Variants in ANKRD24 observed in about 807,000 individuals in gnomAD.
ANKRD24 encodes the protein ankyrin repeat domain 24.
In ANKRD24, 109 loss-of-function variants were observed where a neutral mutation model predicts 127.8. That is an observed-to-expected ratio of 0.85 (90% CI 0.73 to 1.00). ANKRD24 has a LOEUF of 1.00. ANKRD24 is among the 50% of genes least tolerant of loss of function. ANKRD24 has a pLI of 0.00. For synonymous variants in ANKRD24, 743 were observed against 671.1 expected (o/e 1.11, Z -1.66); for missense variants, 1,648 against 1,570.2 (o/e 1.05, Z -0.84).
chr19:4,212,935 G>A (rs1169028887), intron 15 of ANKRD24, among the ~76,000 whole-genome samples: 3 of 152,256 alleles, frequency 2.0e-5, no homozygotes, highest in East Asian at 1.9e-4. Flanking sequence ...GATCGAGACT[G>A]TCCTGGCCAA....
chr19:4,198,790 G>T lies in ANKRD24; in HGVS notation c.37-893G>T, dbSNP rs547908274. Among the ~76,000 whole-genome samples, 1 of 152,312 alleles carries T rather than the reference G, an allele frequency of 6.6e-6. No homozygotes were observed. The highest frequency in any genetic ancestry group is 1.9e-4 in the East Asian group (1 of 5,178). ...TTTAGGAACATTTAGAGGGCATTGG[G>T]GGGTGCAGTTTTGGGAAAACATTTT... On this transcript the variant is annotated intron_variant, in intron 2 of 21. Transcript: ENST00000318934. The surrounding 1 kb of genome is among the most constrained non-coding windows in gnomAD (Gnocchi z 6.1).
In ANKRD24 at chr19:4,224,759, C is replaced by G. The variant is rs1056737359; in HGVS notation, c.*254C>G. ...CCCCACCACCGGAGACTGTGATTCCCTGTGTCCTCCACATCCAGACGCCAG... is the reference window on the plus strand; with the variant it reads ...CCCCACCACCGGAGACTGTGATTCCGTGTGTCCTCCACATCCAGACGCCAG... On this transcript the variant is annotated 3_prime_UTR_variant, in exon 22 of 22. Coordinates refer to ENST00000318934, the MANE Select transcript of ANKRD24 (RefSeq NM_001393985.1). The G allele has an allele frequency of 1.7e-5, 9 of 543,252 alleles. No homozygotes were observed. The highest frequency in any genetic ancestry group is 2.3e-5 in the Non-Finnish European group (7 of 301,836). 33.7% of individuals were successfully genotyped at this position (543,252 alleles called of 1,614,324 possible).
At chr19:4,204,412 G>T (rs1331591693) in intron 7 of ANKRD24, among the ~76,000 whole-genome samples, 3 of 152,082 alleles carry the variant, frequency 2.0e-5, no homozygotes, top group South Asian at 4.1e-4. Flanking sequence ...CAGGTAAATC[G>T]TAGGGAATCC....
In ANKRD24 at chr19:4,199,372, C is replaced by A. The variant is rs1009768835; in HGVS notation, c.37-311C>A. ...GCTACAGGCATGAGCCACCATGCCC[C>A]GCTGATGATTTTTATTTTTTGTAGA... On this transcript the variant is annotated intron_variant, in intron 2 of 21. Coordinates refer to ENST00000318934, the MANE Select transcript of ANKRD24 (RefSeq NM_001393985.1). This position sits in a 1 kb window ranked among gnomAD's most constrained non-coding sequence, Gnocchi z 5.2. 1 of 399,168 alleles carries A rather than the reference C, an allele frequency of 2.5e-6. No homozygotes were observed. The highest frequency in any genetic ancestry group is 3.4e-6 in the Non-Finnish European group (1 of 294,536). 24.7% of individuals were successfully genotyped at this position (399,168 alleles called of 1,614,324 possible). A position where few individuals can be genotyped will look rare whatever the true frequency, so the allele number is the denominator to read the frequency against.
chr19:4,205,909 G>A (rs954617988), intron 7 of ANKRD24, among the ~76,000 whole-genome samples: 14 of 152,112 alleles, frequency 9.2e-5, no homozygotes, highest in African/African-American at 2.4e-4. Context: ...TTGGGAGGCC[G>A]AGGCGGGTGG....
intron 7 of ANKRD24, among the ~76,000 whole-genome samples, chr19:4,206,388 G>A (rs1009977181): frequency 3.0e-4 from 46 of 151,286 alleles, no homozygotes; most frequent in Admixed American, 4.6e-4. Context: ...CAGTCCCGGC[G>A]GCAGATTGCT....
In ANKRD24 at chr19:4,193,791, C is replaced by T. The variant is rs536818720; in HGVS notation, c.37-5892C>T. Reference sequence around the variant, plus strand: ...GGTGGAGTTTGCAGTGAGCAGAGATCATGCCACTGTACTCCAGCCTGGGCG... The same window carrying T: ...GGTGGAGTTTGCAGTGAGCAGAGATTATGCCACTGTACTCCAGCCTGGGCG... On this transcript the variant is annotated intron_variant, in intron 2 of 21. Transcript: ENST00000318934. 4.0e-3 allele frequency among the ~76,000 whole-genome samples: 513 copies of T among 129,226 alleles called. 4 individuals are homozygous for T. The highest frequency in any genetic ancestry group is 6.6e-3 in the Non-Finnish European group (411 of 62,748). 84.8% of individuals were successfully genotyped at this position (129,226 alleles called of 152,430 possible).
intron 2 of ANKRD24, among the ~76,000 whole-genome samples, chr19:4,193,704 G>T (rs1398589415): frequency 6.6e-6 from 1 of 151,916 alleles, no homozygotes; most frequent in Non-Finnish European, 1.5e-5. Context: ...AGGCATGGTG[G>T]CGGGTGCGTG....
chr19:4,214,172 C>CT (rs11367695), intron 15 of ANKRD24, among the ~76,000 whole-genome samples: 112 of 147,038 alleles, frequency 7.6e-4, no homozygotes, highest in South Asian at 2.4e-3. Context: ...ACAAATATTT[C>CT]TTTTTTTTTT....
chr19:4,221,003 CT>C (rs1568347059), intron 19 of ANKRD24, among the ~76,000 whole-genome samples: 1 of 151,070 alleles, frequency 6.6e-6, no homozygotes, highest in African/African-American at 2.4e-5. Context: ...TTCAAGCGAT[CT>C]TCCTGCCTCA....
chr19:4,221,932 A>G (rs1568347619), intron 19 of ANKRD24, among the ~76,000 whole-genome samples: 1 of 152,158 alleles, frequency 6.6e-6, no homozygotes, highest in Non-Finnish European at 1.5e-5. Flanking sequence ...ACAACCACAG[A>G]TGTCCCCACA....
At chr19:4,221,255 T>C (rs1430130320) in intron 19 of ANKRD24, among the ~76,000 whole-genome samples, 1 of 152,008 alleles carries the variant, frequency 6.6e-6, no homozygotes, top group Non-Finnish European at 1.5e-5. Flanking sequence ...TTTTGTATTT[T>C]TAGTAGAGAC....
intron 13 of ANKRD24, among the ~76,000 whole-genome samples, chr19:4,210,638 A>G (rs752471389): frequency 1.3e-5 from 2 of 150,784 alleles, no homozygotes; most frequent in Non-Finnish European, 1.5e-5. Context: ...CTCTGCCTGG[A>G]ATGCTCTAGC....
At chr19:4,212,328 A>T in intron 13 of ANKRD24, 147 bp from the exon 14 acceptor site, 1 of 897,276 alleles carries the variant, frequency 1.1e-6, no homozygotes, top group Non-Finnish European at 1.7e-6. Flanking sequence ...ACTCAATAGT[A>T]ATGAGTGAGC....
Position 4,207,583 on chromosome 19 carries a change from C to G in ANKRD24, c.620C>G (p.Ala207Gly). Residue 207 changes from alanine to glycine, a missense_variant, in exon 9 of 22, where the codon GCG becomes GGG. By Grantham distance (60) the Ala-to-Gly change is moderately conservative. Transcript: ENST00000318934. ...CTCCTACTGCAGCAAGGGGCTGCCG[C>G]GAACGATCAGGACCTGCAAGGCAGG... ...CRLLLQQGAA[A>G]NDQDLQGRTA... 6.2e-7 allele frequency: 1 copy of G among 1,613,904 alleles called. No individual in the cohort carries two copies. Among genetic ancestry groups the G allele is most frequent in the African/African-American group, 1.3e-5 (1 of 75,044 alleles).
intron 15 of ANKRD24, 88 bp downstream of exon 15, chr19:4,212,786 A>C (rs991172371): frequency 6.6e-5 from 80 of 1,220,368 alleles, no homozygotes; most frequent in Non-Finnish European, 8.4e-5. Flanking sequence ...ACACCAGTGC[A>C]TGCACAGCCT....
At chr19:4,222,224 A>G (rs1301750853) in intron 19 of ANKRD24, among the ~76,000 whole-genome samples, 6 of 152,164 alleles carry the variant, frequency 3.9e-5, no homozygotes, top group South Asian at 4.1e-4. Context: ...CCCCGTCTCT[A>G]CTAAAAATAG....
Position 4,223,388 on chromosome 19 carries a change from TATATA to T in ANKRD24, c.3297+594_3297+598del, listed in dbSNP as rs1223797488. ...CTGGCCATACATATATATATATATA[TATATA>T]TATATATATTTTTTTTTTTTTTTTT... On this transcript the variant is annotated intron_variant, in intron 20 of 21. Coordinates refer to ENST00000318934, the MANE Select transcript of ANKRD24 (RefSeq NM_001393985.1). Among the ~76,000 whole-genome samples, 84 of 86,264 alleles carry T rather than the reference TATATA, an allele frequency of 9.7e-4. 3 individuals are homozygous for T. The highest frequency in any genetic ancestry group is 4.5e-3 in the African/African-American group (78 of 17,454). 56.6% of individuals were successfully genotyped at this position (86,264 alleles called of 152,430 possible). A position where few individuals can be genotyped will look rare whatever the true frequency, so the allele number is the denominator to read the frequency against.
In ANKRD24 at chr19:4,199,481, G is replaced by A. The variant is rs894419130; in HGVS notation, c.37-202G>A. The A allele has an allele frequency of 3.0e-6, 3 of 985,008 alleles. No individual in the cohort carries two copies. The highest frequency in any genetic ancestry group is 6.1e-5 in the Admixed American group (1 of 16,262). 61.0% of individuals were successfully genotyped at this position (985,008 alleles called of 1,614,324 possible). On this transcript the variant is annotated intron_variant, in intron 2 of 21. Transcript: ENST00000318934. This position sits in a 1 kb window ranked among gnomAD's most constrained non-coding sequence, Gnocchi z 5.2. ...CCCACCTTGGCCTCCCCAGATGCTGGGACTACAGGCGTGAGCCTCCATGCT... is the reference window on the plus strand; with the variant it reads ...CCCACCTTGGCCTCCCCAGATGCTGAGACTACAGGCGTGAGCCTCCATGCT...
Sources: allele counts gnomAD v4.1 joint callset (sites outside exome capture counted in the v4.1 genomes callset), GRCh38; gene constraint gnomAD v4.1.1; non-coding constraint Gnocchi (gnomAD v3.1); transcripts MANE v1.5; gene names NCBI Gene and HGNC (gene_info 2026-07-23, HGNC 2026-07-21).